SCN9A: variants seen among roughly 807,000 people sequenced by gnomAD.
SCN9A encodes the protein sodium voltage-gated channel alpha subunit 9, also known as sodium channel protein type 9 subunit alpha.
A neutral mutation model predicts 187.0 loss-of-function variants in SCN9A; 131 were observed. The ratio of observed to expected loss-of-function variants is 0.70; its 90% CI spans 0.61 to 0.81. The LOEUF (loss-of-function observed/expected upper bound fraction) is 0.81, where lower values mean the gene tolerates loss of function less well. SCN9A is among the 30% of genes least tolerant of loss of function. The pLI, the probability that SCN9A is intolerant of heterozygous loss-of-function variation, is 0.00. For synonymous variants in SCN9A, 809 were observed against 808.6 expected (o/e 1.00, Z -0.01); for missense variants, 2,252 against 2,396.6 (o/e 0.94, Z 1.26).
At position 166,311,558 on chromosome 2, in the gene SCN9A, G is replaced by A. The variant is rs1354932910; in HGVS notation, c.199C>T (p.Pro67Ser). 2 of 1,612,960 alleles carry A rather than the reference G, an allele frequency of 1.2e-6. No homozygotes were observed. Among genetic ancestry groups the A allele is most frequent in the Non-Finnish European group, 1.7e-6 (2 of 1,179,580 alleles). Residue 67 changes from proline to serine, a missense_variant, in exon 2 of 27, where the codon CCT becomes TCT. Around this residue, in one of 7 missense-constraint regions of SCN9A, gnomAD observed 1,013 missense variants for 997.4 expected, o/e 1.02. Coordinates refer to ENST00000642356, the MANE Select transcript of SCN9A (RefSeq NM_001365536.1). ...KQLPFIYGDI[P>S]PGMVSEPLED... The stretch of plus-strand genomic sequence containing the variant: ...AGGGGCTCTGACACCATGCCGGGAG[G>A]AATGTCCCCATAGATGAAGGGCAGC...
At chr2:166,272,962 T>C in intron 16 of SCN9A, 87 bp from the exon 17 acceptor site, 2 of 599,862 alleles carry the variant, frequency 3.3e-6, no homozygotes, top group Non-Finnish European at 5.4e-6. Context: ...TTTCCGAATA[T>C]AGGCCACAAT....
At chr2:166,234,503 C>T (rs1695227868) in intron 20 of SCN9A, among the ~76,000 whole-genome samples, 1 of 152,098 alleles carries the variant, frequency 6.6e-6, no homozygotes, top group African/African-American at 2.4e-5. Flanking sequence ...AAGTTCATTG[C>T]TGTTACCATC....
rs530267604 is a variant in SCN9A, at chr2:166,345,850, T to C, written c.-51+29847A>G. ...ATCCCAAGAGAATATCTTCTAACGA[T>C]AGAAGTTTATCATGTTAGGAAGAAA... On this transcript the variant is annotated intron_variant, in intron 1 of 26. Coordinates refer to ENST00000642356, the MANE Select transcript of SCN9A (RefSeq NM_001365536.1). Among the ~76,000 whole-genome samples, 8 of 152,288 alleles carry C rather than the reference T, an allele frequency of 5.3e-5. 1 individual carries two copies. Among genetic ancestry groups the C allele is most frequent in the African/African-American group, 1.9e-4 (8 of 41,580 alleles).
intron 1 of SCN9A, among the ~76,000 whole-genome samples, chr2:166,313,296 A>G (rs7597178): frequency 0.64 from 96,768 of 151,962 alleles, 31,465 homozygotes; most frequent in African/African-American, 0.75. Context: ...TTGAAGCCAG[A>G]CATTGACTTC....
rs763278343 is a variant in SCN9A at position 166,272,384 on chromosome 2, A to G, written c.3351+15T>C. ...ATTGTTAATATGAAACACAAAGTAT[A>G]TGAAGCATTCTTACCACTTTGCTGT... On this transcript the variant is annotated intron_variant, in intron 17 of 26. Coordinates refer to ENST00000642356, the MANE Select transcript of SCN9A (RefSeq NM_001365536.1). The G allele has an allele frequency of 2.1e-6, 3 of 1,429,812 alleles. No individual in the cohort carries two copies. Among genetic ancestry groups the G allele is most frequent in the Non-Finnish European group, 2.9e-6 (3 of 1,046,544 alleles). The allele number at this position is 1,429,812 out of a possible 1,614,324, so 88.6% of individuals were successfully genotyped here.
rs796172095 is a variant in SCN9A at position 166,300,352 on chromosome 2, C to A, written c.901+2738G>T. On this transcript the variant is annotated intron_variant, in intron 7 of 26. Coordinates refer to ENST00000642356, the MANE Select transcript of SCN9A (RefSeq NM_001365536.1). The stretch of plus-strand genomic sequence containing the variant: ...GCTATTTCTCCTAATTGAAGCAGCA[C>A]CCCCCACACATAGACTCACACCCAC... 6.6e-5 allele frequency among the ~76,000 whole-genome samples: 10 copies of A among 150,810 alleles called. 5 individuals are homozygous for A. The highest frequency in any genetic ancestry group is 2.5e-4 in the African/African-American group (10 of 40,192).
At chr2:166,260,152 A>G (rs1396099961) in intron 17 of SCN9A, among the ~76,000 whole-genome samples, 1 of 151,944 alleles carries the variant, frequency 6.6e-6, no homozygotes, top group African/African-American at 2.4e-5. Context: ...ACCACATAGT[A>G]AAAGGACATT....
At position 166,311,590 on chromosome 2, in the gene SCN9A, C is replaced by A; in HGVS notation, c.167G>T (p.Gly56Val). 1 of 1,613,182 alleles carries A rather than the reference C, an allele frequency of 6.2e-7. No homozygotes were observed. Among genetic ancestry groups the A allele is most frequent in the South Asian group, 1.1e-5 (1 of 91,010 alleles). ...APKPSSDLEA[G>V]KQLPFIYGDI... is the part of the protein sequence containing the mutation. The stretch of plus-strand genomic sequence containing the variant: ...CCCATAGATGAAGGGCAGCTGTTTG[C>A]CAGCTTCCAAGTCACTGCTTGGCTT... Residue 56 changes from glycine to valine, a missense_variant, in exon 2 of 27, where the codon GGC becomes GTC. This residue lies in a region of SCN9A where 1,013 missense variants were observed against 997.4 expected (regional missense o/e 1.02). Transcript: ENST00000642356.
intron 17 of SCN9A, 94 bp downstream of exon 17, chr2:166,272,305 G>A: frequency 1.2e-6 from 1 of 849,220 alleles, no homozygotes; most frequent in East Asian, 2.7e-5. Flanking sequence ...TACATGCAAT[G>A]TTAAGAAGAA....
rs775608942 is a variant in SCN9A, at chr2:166,228,911, A to T, written c.3986T>A (p.Leu1329His). Residue 1329 changes from leucine to histidine, a missense_variant, in exon 22 of 27, where the codon CTT becomes CAT. This residue lies in a region of SCN9A where 368 missense variants were observed against 408.6 expected (regional missense o/e 0.90). Transcript: ENST00000642356. Reference protein sequence around the residue: ...PSIMNVLLVCLIFWLIFSIMG... With the variant: ...PSIMNVLLVCHIFWLIFSIMG... ...GATGCTGAATATCAGCCAGAATATAAGACACACAAGTAGCACATTCATGAT... is the reference window on the plus strand; with the variant it reads ...GATGCTGAATATCAGCCAGAATATATGACACACAAGTAGCACATTCATGAT... 6.2e-7 allele frequency: 1 copy of T among 1,613,786 alleles called. No homozygotes were observed. Among genetic ancestry groups the T allele is most frequent in the Middle Eastern group, 1.6e-4 (1 of 6,062 alleles).
intron 9 of SCN9A, among the ~76,000 whole-genome samples, chr2:166,292,525 G>GA (rs71031235): frequency 0.085 from 12,639 of 148,928 alleles, 631 homozygotes; most frequent in Admixed American, 0.17. Flanking sequence ...GGCCAAAAAA[G>GA]AAAAAAAAAC....
At chr2:166,307,588 G>T (rs1457530970) in intron 2 of SCN9A, among the ~76,000 whole-genome samples, 1 of 152,168 alleles carries the variant, frequency 6.6e-6, no homozygotes, top group Non-Finnish European at 1.5e-5. Context: ...AGAGTTGGAA[G>T]AATCCTTCCA....
At chr2:166,362,141 T>C (rs1700300583) in intron 1 of SCN9A, among the ~76,000 whole-genome samples, 1 of 152,114 alleles carries the variant, frequency 6.6e-6, no homozygotes, top group Admixed American at 6.6e-5. Flanking sequence ...GGGGGTAATC[T>C]GGTTTGAGGA....
intron 18 of SCN9A, 124 bp downstream of exon 18, chr2:166,251,641 A>G: frequency 1.0e-6 from 1 of 991,552 alleles, no homozygotes; most frequent in Non-Finnish European, 1.5e-6. Context: ...ATACAGCTAT[A>G]GCTGAATCAG....
chr2:166,200,122 C>T (rs1038891357), intron 26 of SCN9A, among the ~76,000 whole-genome samples: 3 of 146,372 alleles, frequency 2.0e-5, no homozygotes, highest in African/African-American at 5.1e-5. Flanking sequence ...CTCAGCCTCC[C>T]GAGTAGCTGG....
intron 2 of SCN9A, 115 bp downstream of exon 2, chr2:166,311,384 T>TAAATG (rs1698950351): frequency 8.9e-6 from 1 of 112,960 alleles, no homozygotes; most frequent in Non-Finnish European, 1.5e-5. Flanking sequence ...ATATTTAATT[T>TAAATG]AACATTCTGG....
chr2:166,278,301 T>C lies in SCN9A; in HGVS notation c.2356A>G (p.Ile786Val). ...LAIGNLVFTG[I>V]FAAEMVLKLI... ...TTTAATACCATTTCAGCTGCAAAGATTCCAGTAAAGACCTAAGTGAGAAAA... is the reference window on the plus strand; with the variant it reads ...TTTAATACCATTTCAGCTGCAAAGACTCCAGTAAAGACCTAAGTGAGAAAA... Residue 786 changes from isoleucine (I) to valine (V), a missense_variant, in exon 15 of 27, where the codon ATC becomes GTC. Physicochemically the swap from Ile to Val is conservative, Grantham distance 29. This residue lies in a region of SCN9A where 1,013 missense variants were observed against 997.4 expected (regional missense o/e 1.02). Transcript: ENST00000642356. 6.2e-7 allele frequency: 1 copy of C among 1,602,434 alleles called. No homozygotes were observed. Among genetic ancestry groups the C allele is most frequent in the Non-Finnish European group, 8.5e-7 (1 of 1,175,638 alleles).
chr2:166,211,608 C>T (rs1377908527), intron 24 of SCN9A, among the ~76,000 whole-genome samples: 1 of 151,624 alleles, frequency 6.6e-6, no homozygotes, highest in African/African-American at 2.4e-5. Context: ...TGTAGAAACA[C>T]ATTATAAAAA....
chr2:166,340,562 CT>C, intron 1 of SCN9A, among the ~76,000 whole-genome samples: 1 of 77,432 alleles, frequency 1.3e-5, no homozygotes, highest in South Asian at 3.8e-4. Flanking sequence ...TTCTTTCTTT[CT>C]TTCTTTCTTT....
Sources: gnomAD v4.1 joint callset for allele counts (sites outside exome capture counted in the v4.1 genomes callset) on GRCh38, gnomAD v4.1.1 for gene constraint, gnomAD v4.1.1 regional missense constraint, MANE v1.5 for transcripts, NCBI Gene and HGNC (gene_info 2026-07-23, HGNC 2026-07-21) for gene names.